HDAC4: variants seen among roughly 807,000 people sequenced by gnomAD.
HDAC4 encodes histone deacetylase 4.
In HDAC4, 16 loss-of-function variants were observed where a neutral mutation model predicts 135.1. That is an observed-to-expected ratio of 0.12 (90% CI 0.08 to 0.18). HDAC4 has a LOEUF of 0.18. HDAC4 is among the 10% of genes least tolerant of loss of function. The probability of loss-of-function intolerance (pLI) is 1.00; values close to 1 mark genes in which losing one functional copy is unlikely to be tolerated. For missense variants in HDAC4, 1,143 were observed against 1,511.8 expected (o/e 0.76, Z 4.05); for synonymous variants, 685 against 653.4 (o/e 1.05, Z -0.74).
intron 3 of HDAC4, among the ~76,000 whole-genome samples, chr2:239,197,245 C>T (rs1178296863): frequency 6.6e-6 from 1 of 152,174 alleles, no homozygotes; most frequent in Admixed American, 6.6e-5. Context: ...CATCCTTCGC[C>T]TTCGGGATTC....
intron 8 of HDAC4, among the ~76,000 whole-genome samples, chr2:239,143,581 C>T (rs1473608023): frequency 3.9e-5 from 6 of 152,152 alleles, no homozygotes; most frequent in Admixed American, 6.5e-5. Context: ...ATATTCAGAC[C>T]CAGACCCTTA....
intron 22 of HDAC4, among the ~76,000 whole-genome samples, chr2:239,076,641 G>C (rs1386257697): frequency 2.0e-5 from 3 of 152,176 alleles, no homozygotes; most frequent in African/African-American, 7.2e-5. Flanking sequence ...ACTGGGCTCA[G>C]GGCTGGCACG....
At chr2:239,265,265 G>C (rs1338098510) in intron 2 of HDAC4, among the ~76,000 whole-genome samples, 1 of 152,222 alleles carries the variant, frequency 6.6e-6, no homozygotes, top group Non-Finnish European at 1.5e-5. Flanking sequence ...CAGTACTCCA[G>C]AGGCATCACA....
intron 4 of HDAC4, among the ~76,000 whole-genome samples, chr2:239,188,122 G>A (rs1197291600): frequency 2.0e-5 from 3 of 152,148 alleles, no homozygotes; most frequent in African/African-American, 4.8e-5. Flanking sequence ...AGAGGGGGCC[G>A]AGTACAGAGC....
Position 239,051,901 on chromosome 2 carries a change from T to A in HDAC4, c.*1196A>T, listed in dbSNP as rs2030910626. On this transcript the variant is annotated 3_prime_UTR_variant, in exon 27 of 27. Coordinates refer to ENST00000543185, the MANE Select transcript of HDAC4 (RefSeq NM_001378414.1). ...ATGCATTATAAATATTTTATCAAGA[T>A]TTCATAAGAATCAAGTAAGTTTCTT... 1 of 151,398 alleles carries A rather than the reference T, an allele frequency of 6.6e-6. No homozygotes were observed. The highest frequency in any genetic ancestry group is 1.5e-5 in the Non-Finnish European group (1 of 67,902). 9.4% of individuals were successfully genotyped at this position (151,398 alleles called of 1,614,324 possible).
At chr2:239,282,473 ACACCAC>A (rs2050842608) in intron 2 of HDAC4, among the ~76,000 whole-genome samples, 1 of 150,182 alleles carries the variant, frequency 6.7e-6, no homozygotes, top group Non-Finnish European at 1.5e-5. Flanking sequence ...CTCAATGTAC[ACACCAC>A]TCTACACACA....
In HDAC4 at chr2:239,051,975, T is replaced by C. The variant is rs1469916437; in HGVS notation, c.*1122A>G. On this transcript the variant is annotated 3_prime_UTR_variant, in exon 27 of 27. Transcript: ENST00000543185. ...TATTATACATATATATATTTATTTA[T>C]ACCTAAAATTTAAGCAATACTTCAT... 1 of 152,110 alleles carries C rather than the reference T, an allele frequency of 6.6e-6. No individual in the cohort carries two copies. The highest frequency in any genetic ancestry group is 1.5e-5 in the Non-Finnish European group (1 of 68,002). 9.4% of individuals were successfully genotyped at this position (152,110 alleles called of 1,614,324 possible). A position where few individuals can be genotyped will look rare whatever the true frequency, so the allele number is the denominator to read the frequency against.
Position 239,400,962 on chromosome 2 carries a change from C to T in HDAC4, c.-220+16G>A, listed in dbSNP as rs1006938876. 16 of 152,256 alleles carry T rather than the reference C, an allele frequency of 1.1e-4. No homozygotes were observed. The highest frequency in any genetic ancestry group is 1.9e-4 in the Non-Finnish European group (13 of 67,760). 9.4% of individuals were successfully genotyped at this position (152,256 alleles called of 1,614,324 possible). A position where few individuals can be genotyped will look rare whatever the true frequency, so the allele number is the denominator to read the frequency against. ...CCCCACAACCTCCCCTCCTCATTCA[C>T]AAAAAATTGACCCACGTTGAACCAT... On this transcript the variant is annotated intron_variant, in intron 1 of 26. Coordinates refer to ENST00000543185, the MANE Select transcript of HDAC4 (RefSeq NM_001378414.1). The surrounding 1 kb of genome is among the most constrained non-coding windows in gnomAD (Gnocchi z 4.7).
intron 6 of HDAC4, among the ~76,000 whole-genome samples, chr2:239,158,360 A>G (rs1326844017): frequency 6.6e-6 from 1 of 152,192 alleles, no homozygotes; most frequent in African/African-American, 2.4e-5. Flanking sequence ...CACGAGTTAA[A>G]AAGATCAGTA....
At chr2:239,397,277 C>T (rs905273376) in intron 1 of HDAC4, among the ~76,000 whole-genome samples, 1 of 152,200 alleles carries the variant, frequency 6.6e-6, no homozygotes, top group Non-Finnish European at 1.5e-5. Flanking sequence ...TTTCATTCTA[C>T]CCCCAGTTCC....
chr2:239,361,366 C>T (rs1413247905), intron 1 of HDAC4, among the ~76,000 whole-genome samples: 1 of 152,222 alleles, frequency 6.6e-6, no homozygotes, highest in African/African-American at 2.4e-5. Context: ...GATCTGATAT[C>T]AAAGATTCCA....
intron 1 of HDAC4, among the ~76,000 whole-genome samples, chr2:239,371,856 C>T (rs1341558177): frequency 6.6e-6 from 1 of 152,202 alleles, no homozygotes; most frequent in Non-Finnish European, 1.5e-5. Context: ...ATTGTTAAAT[C>T]GGAATCAAGT....
At chr2:239,379,242 G>A (rs1159384041) in intron 1 of HDAC4, among the ~76,000 whole-genome samples, 1 of 152,164 alleles carries the variant, frequency 6.6e-6, no homozygotes, top group Non-Finnish European at 1.5e-5. Flanking sequence ...GGAGAGGAAG[G>A]AAGCCAGGTG....
At chr2:239,381,341 T>C (rs1306356317) in intron 1 of HDAC4, among the ~76,000 whole-genome samples, 2 of 152,200 alleles carry the variant, frequency 1.3e-5, no homozygotes, top group Non-Finnish European at 2.9e-5. Flanking sequence ...TCGAACTACA[T>C]CTGCATGCAA....
In HDAC4 at chr2:239,076,206, C is replaced by T. The variant is rs181728590; in HGVS notation, c.2750+4889G>A. ...AGCTGGGTTGGGTTGGAACAGCAGG[C>T]GGGTGTTGGCCACGCCCCTCGGCTT... On this transcript the variant is annotated intron_variant, in intron 22 of 26. Coordinates refer to ENST00000543185, the MANE Select transcript of HDAC4 (RefSeq NM_001378414.1). 3.1e-4 allele frequency among the ~76,000 whole-genome samples: 46 copies of T among 150,664 alleles called. No individual in the cohort carries two copies. In the East Asian group the frequency reaches 5.8e-3, roughly 19 times the overall value.
chr2:239,054,462 G>A lies in HDAC4; in HGVS notation c.3088+287C>T, dbSNP rs546634266. 3.1e-4 allele frequency among the ~76,000 whole-genome samples: 47 copies of A among 152,240 alleles called. 1 individual carries two copies. The highest frequency in any genetic ancestry group is 1.0e-3 in the African/African-American group (43 of 41,552). ...GCCCCCGCTGCTAGCTGGGGACCTA[G>A]AGCAAGTGACTCCACACTGAGACTG... On this transcript the variant is annotated intron_variant, in intron 25 of 26. Coordinates refer to ENST00000543185, the MANE Select transcript of HDAC4 (RefSeq NM_001378414.1).
intron 3 of HDAC4, among the ~76,000 whole-genome samples, chr2:239,204,350 A>G (rs2045925380): frequency 1.3e-5 from 2 of 152,192 alleles, no homozygotes; most frequent in South Asian, 4.1e-4. Context: ...CCTGGGCTTT[A>G]TTAGAAAAGG....
intron 22 of HDAC4, 120 bp downstream of exon 22, chr2:239,080,975 A>T: frequency 1.4e-6 from 1 of 738,364 alleles, no homozygotes; most frequent in Non-Finnish European, 2.3e-6. Context: ...TCCGGACCCC[A>T]CAGCCCCGTT....
intron 1 of HDAC4, among the ~76,000 whole-genome samples, chr2:239,383,943 C>A (rs1375282641): frequency 2.0e-5 from 3 of 152,240 alleles, no homozygotes; most frequent in Non-Finnish European, 4.4e-5. Flanking sequence ...GAGGGCAGGG[C>A]GGCTGGAAGA....
Sources: gnomAD v4.1 joint callset for allele counts (sites outside exome capture counted in the v4.1 genomes callset) on GRCh38, gnomAD v4.1.1 for gene constraint, Gnocchi (gnomAD v3.1) non-coding constraint, MANE v1.5 for transcripts, NCBI Gene and HGNC (gene_info 2026-07-23, HGNC 2026-07-21) for gene names.